TAB2: variants seen among roughly 807,000 people sequenced by gnomAD.
TAB2 encodes TGF-beta activated kinase 1 (MAP3K7) binding protein 2.
TAB2 carries 3 observed loss-of-function variants against 65.0 expected under a neutral mutation model. The ratio of observed to expected loss-of-function variants is 0.05; its 90% CI spans 0.02 to 0.12. TAB2 has a LOEUF of 0.12. Ranked by LOEUF, TAB2 falls within the 10% of genes least tolerant of loss-of-function variation. The pLI, the probability that TAB2 is intolerant of heterozygous loss-of-function variation, is 1.00. For missense variants in TAB2, 623 were observed against 840.3 expected, an observed-to-expected ratio of 0.74 and a Z score of 3.20; for synonymous variants, 298 against 285.1, an observed-to-expected ratio of 1.05 and a Z score of -0.46.
intron 1 of TAB2, among the ~76,000 whole-genome samples, chr6:149,319,190 A>G (rs1346777851): frequency 6.6e-6 from 1 of 152,244 alleles, no homozygotes; most frequent in East Asian, 1.9e-4. Context: ...TATGATGATC[A>G]TTATGCAATT....
At chr6:149,297,060 A>G (rs554410) in intron 1 of TAB2, among the ~76,000 whole-genome samples, 1 of 148,200 alleles carries the variant, frequency 6.7e-6, no homozygotes, top group Non-Finnish European at 1.5e-5. Flanking sequence ...CATCCTCTCT[A>G]TCTCTCTCTC....
At chr6:149,379,779 G>A (rs1477133063) in intron 3 of TAB2, among the ~76,000 whole-genome samples, 2 of 152,070 alleles carry the variant, frequency 1.3e-5, no homozygotes, top group Admixed American at 6.5e-5. Context: ...GTTTGTTAAT[G>A]TTTATAACAC....
chr6:149,342,354 G>A lies in TAB2; in HGVS notation c.-90+24339G>A, dbSNP rs903159248. 1.9e-4 allele frequency among the ~76,000 whole-genome samples: 29 copies of A among 152,212 alleles called. No homozygotes were observed. In the Middle Eastern group the frequency reaches 0.01, roughly 54 times the overall value. On this transcript the variant is annotated intron_variant, in intron 1 of 6. Transcript: ENST00000637181. Reference sequence around the variant, plus strand: ...TACATTTCCAATTTTGGATTTTGTTGTTGTTTTTCTCTTTCTGTTAGAGTT... The same window carrying A: ...TACATTTCCAATTTTGGATTTTGTTATTGTTTTTCTCTTTCTGTTAGAGTT...
At chr6:149,318,218 C>T (rs1328957375) in intron 1 of TAB2, among the ~76,000 whole-genome samples, 2 of 151,660 alleles carry the variant, frequency 1.3e-5, no homozygotes, top group African/African-American at 2.4e-5. Flanking sequence ...CCGAGTCCCC[C>T]AGTCCGGTGG....
chr6:149,393,374 G>T (rs1408116267), intron 3 of TAB2, among the ~76,000 whole-genome samples: 1 of 152,086 alleles, frequency 6.6e-6, no homozygotes, highest in Admixed American at 6.5e-5. Flanking sequence ...ATTCTCAGAG[G>T]TAAGCCACAT....
intron 5 of TAB2, among the ~76,000 whole-genome samples, chr6:149,398,667 T>TA (rs1274422418): frequency 6.6e-6 from 1 of 152,198 alleles, no homozygotes; most frequent in African/African-American, 2.4e-5. Flanking sequence ...TCCTTGAACT[T>TA]ACTCTTTTTG....
At chr6:149,387,555 C>G (rs566870223) in intron 3 of TAB2, among the ~76,000 whole-genome samples, 1 of 152,020 alleles carries the variant, frequency 6.6e-6, no homozygotes, top group African/African-American at 2.4e-5. Flanking sequence ...CTGCTTGGTT[C>G]TTTTTCAAGA....
chr6:149,378,806 C>G lies in TAB2; in HGVS notation c.891C>G (p.Thr297=). The G allele has an allele frequency of 4.3e-6, 7 of 1,614,178 alleles. No individual in the cohort carries two copies. Among genetic ancestry groups the G allele is most frequent in the South Asian group, 2.2e-5 (2 of 91,080 alleles). The change falls in exon 3 of 7, where the codon ACC becomes ACG. Residue 297 remains threonine, a synonymous_variant. Transcript: ENST00000637181. ...CACCTACTACTTCACAACCACCAAC[C>G]ATTCATTCATCTGGTAGCTCACAGT... The part of the protein sequence containing the change: ...ISSPTTSQPP[T]IHSSGSSQSS...
At chr6:149,256,196 TGACAA>T (rs1778029912) in intron 1 of TAB2, among the ~76,000 whole-genome samples, 1 of 152,152 alleles carries the variant, frequency 6.6e-6, no homozygotes, top group South Asian at 2.1e-4. Context: ...CATTGCAAAA[TGACAA>T]TACAATAATT....
In TAB2 at chr6:149,341,021, T is replaced by C. The variant is rs546075182; in HGVS notation, c.-90+23006T>C. ...AAAATTATTGCCCATATATAAGGCTTTTCTTTGCCCTTAAAACATTTCCTA... is the reference window on the plus strand; with the variant it reads ...AAAATTATTGCCCATATATAAGGCTCTTCTTTGCCCTTAAAACATTTCCTA... On this transcript the variant is annotated intron_variant, in intron 1 of 6. Coordinates refer to ENST00000637181, the MANE Select transcript of TAB2 (RefSeq NM_001292034.3). Among the ~76,000 whole-genome samples, 51 of 152,270 alleles carry C rather than the reference T, an allele frequency of 3.3e-4. No homozygotes were observed. The East Asian group carries it at 9.6e-3, about 29-fold the overall frequency.
intron 1 of TAB2, among the ~76,000 whole-genome samples, chr6:149,249,963 G>A (rs1207451029): frequency 6.6e-6 from 1 of 152,198 alleles, no homozygotes; most frequent in Non-Finnish European, 1.5e-5. Context: ...AGGGAAGGCT[G>A]TGGTGAAGAG....
At chr6:149,323,918 AT>A (rs11441324) in intron 1 of TAB2, among the ~76,000 whole-genome samples, 23 of 151,776 alleles carry the variant, frequency 1.5e-4, no homozygotes, top group African/African-American at 4.1e-4. Flanking sequence ...TACTCTTGTA[AT>A]TTTTTTTCTT....
intron 1 of TAB2, among the ~76,000 whole-genome samples, chr6:149,288,774 C>T (rs72997896): frequency 0.049 from 7,446 of 151,874 alleles, 284 homozygotes; most frequent in Middle Eastern, 0.11. Flanking sequence ...ACACAAATAG[C>T]TTTATTTTAA....
intron 1 of TAB2, among the ~76,000 whole-genome samples, chr6:149,323,648 G>A (rs11155640): frequency 0.23 from 35,678 of 151,906 alleles, 4,387 homozygotes; most frequent in Non-Finnish European, 0.26. Flanking sequence ...ACTCTTTCCT[G>A]TTCTGCTGTA....
At position 149,368,645 on chromosome 6, in the gene TAB2, T is replaced by TTGTGTGTGTGTGTG. The variant is rs3056968; in HGVS notation, c.-89-1242_-89-1229dup. ...AAACACTACTTTTGAATGCGAAAAT[T>TTGTGTGTGTGTGTG]TGTGTGTGTGTGTGTGTGTGTGTGT... On this transcript the variant is annotated intron_variant, in intron 1 of 6. Coordinates refer to ENST00000637181, the MANE Select transcript of TAB2 (RefSeq NM_001292034.3). 2.6e-3 allele frequency among the ~76,000 whole-genome samples: 390 copies of TTGTGTGTGTGTGTG among 147,592 alleles called. 1 individual carries two copies. Among genetic ancestry groups the TTGTGTGTGTGTGTG allele is most frequent in the Middle Eastern group, 0.01 (3 of 292 alleles).
intron 1 of TAB2, among the ~76,000 whole-genome samples, chr6:149,344,130 G>A (rs1338431208): frequency 1.3e-5 from 2 of 152,220 alleles, no homozygotes; most frequent in Admixed American, 6.5e-5. Context: ...GTGTCACTGA[G>A]TGTTGAATTA....
chr6:149,317,582 C>A (rs1168928051), upstream of TAB2: 1 of 144,814 alleles, frequency 6.9e-6, no homozygotes, highest in Non-Finnish European at 1.5e-5. The surrounding 1 kb of genome is among the most constrained non-coding windows in gnomAD (Gnocchi z 4.7). Flanking sequence ...GGCGGAGCCG[C>A]GGCGAGAGCG....
At chr6:149,237,471 A>G (rs548487323) in intron 1 of TAB2, among the ~76,000 whole-genome samples, 1 of 152,120 alleles carries the variant, frequency 6.6e-6, no homozygotes, top group African/African-American at 2.4e-5. Flanking sequence ...TGCACCATCT[A>G]CTATGCACCC....
chr6:149,262,881 G>C (rs1042058675), intron 1 of TAB2, among the ~76,000 whole-genome samples: 2 of 151,730 alleles, frequency 1.3e-5, no homozygotes, highest in African/African-American at 4.8e-5. Flanking sequence ...GTAGCTTACT[G>C]TGACCTCAAA....
Sources: allele counts gnomAD v4.1 joint callset (sites outside exome capture counted in the v4.1 genomes callset), GRCh38; gene constraint gnomAD v4.1.1; non-coding constraint Gnocchi (gnomAD v3.1); transcripts MANE v1.5; gene names NCBI Gene and HGNC (gene_info 2026-07-23, HGNC 2026-07-21).